Variants in PRAMEF15 observed in about 807,000 individuals in gnomAD.
The protein encoded by PRAMEF15 is PRAME family member 9/15.
Under a neutral mutation model 35.3 loss-of-function variants are expected in PRAMEF15, and 21 were observed. The observed-to-expected ratio is 0.59, with a 90% CI of 0.42 to 0.86. The LOEUF is 0.86. Among genes scored for constraint, PRAMEF15 ranks in the 40% least tolerant of loss-of-function variants. PRAMEF15 has a pLI of 0.00. For missense variants in PRAMEF15, 360 were observed against 574.1 expected, an observed-to-expected ratio of 0.63 and a Z score of 3.81; for synonymous variants, 122 against 223.3, an observed-to-expected ratio of 0.55 and a Z score of 4.05.
intron 1 of PRAMEF15, 105 bp downstream of exon 1, chr1:13,315,763 T>A (rs1352727144): frequency 8.1e-6 from 1 of 124,056 alleles, no homozygotes; most frequent in Admixed American, 8.8e-5. Context: ...ATCCTGTCCT[T>A]TTTTTTTTTT....
Position 13,322,247 on chromosome 1 carries a change from G to C in PRAMEF15, c.1420G>C (p.Asp474His). 1 of 1,580,202 alleles carries C rather than the reference G, an allele frequency of 6.3e-7. No homozygotes were observed. ...GNRSFYDLEA[D>H]QYCC ...CAGGTCATTTTATGACCTGGAGGCAGATCAATACTGCTGTTGAATGCCTGC... is the reference window on the plus strand; with the variant it reads ...CAGGTCATTTTATGACCTGGAGGCACATCAATACTGCTGTTGAATGCCTGC... The change falls in exon 4 of 4, where the codon GAT (aspartate) becomes CAT (histidine). Residue 474 changes from aspartate (D) to histidine (H), a missense_variant. Physicochemically the swap from Asp to His is moderately conservative, Grantham distance 81. Transcript: ENST00000376152.
At chr1:13,316,564 A>G (rs76706982) in intron 1 of PRAMEF15, among the ~76,000 whole-genome samples, 1 of 151,906 alleles carries the variant, frequency 6.6e-6, no homozygotes, top group African/African-American at 2.4e-5. Flanking sequence ...CTGAAGCATG[A>G]GAATTGCTTG....
intron 3 of PRAMEF15, among the ~76,000 whole-genome samples, chr1:13,321,232 C>A (rs1193103382): frequency 1.4e-5 from 2 of 141,260 alleles, no homozygotes; most frequent in Non-Finnish European, 3.0e-5. Context: ...TTTTTTTTTT[C>A]AAAACAGAGT....
intron 1 of PRAMEF15, among the ~76,000 whole-genome samples, chr1:13,316,399 G>T (rs1212362286): frequency 5.3e-5 from 8 of 151,680 alleles, no homozygotes; most frequent in African/African-American, 1.7e-4. Flanking sequence ...CTGTACTCCA[G>T]CCTGGGCAAA....
chr1:13,320,297 G>A lies in PRAMEF15; in HGVS notation c.875+344G>A, dbSNP rs1402889899. ...AAATACACCAGGGGCGGTGGCTCAT[G>A]CCTGTAATCCTATCACTTTGGGAGT... On this transcript the variant is annotated intron_variant, in intron 3 of 3. Coordinates refer to ENST00000376152, the MANE Select transcript of PRAMEF15 (RefSeq NM_001098376.3). Among the ~76,000 whole-genome samples the A allele has an allele frequency of 5.5e-4, 83 of 152,240 alleles. No individual in the cohort carries two copies. The South Asian group carries it at 0.014, about 26-fold the overall frequency.
At chr1:13,318,110 T>C (rs1640030360) in intron 1 of PRAMEF15, among the ~76,000 whole-genome samples, 2 of 151,760 alleles carry the variant, frequency 1.3e-5, no homozygotes, top group Non-Finnish European at 2.9e-5. Context: ...GTAGGAGGGG[T>C]TCACTTTCAG....
chr1:13,320,285 G>A (rs1239774009), intron 3 of PRAMEF15, among the ~76,000 whole-genome samples: 11 of 151,926 alleles, frequency 7.2e-5, no homozygotes, highest in South Asian at 2.1e-4. Flanking sequence ...TACACCAGGG[G>A]CGGTGGCTCA....
intron 3 of PRAMEF15, 139 bp downstream of exon 3, chr1:13,320,092 G>T (rs1640063061): frequency 3.2e-6 from 5 of 1,556,742 alleles, no homozygotes; most frequent in South Asian, 2.4e-5. Context: ...TTGTCCTGTT[G>T]GTGGCCCTGT....
At chr1:13,317,891 A>T (rs1640027550) in intron 1 of PRAMEF15, among the ~76,000 whole-genome samples, 1 of 151,478 alleles carries the variant, frequency 6.6e-6, no homozygotes, top group Admixed American at 6.6e-5. Flanking sequence ...GAAGGGAGGG[A>T]GAGAGGGAAA....
rs1640011916 is a variant in PRAMEF15 at position 13,316,898 on chromosome 1, T to C, written c.-17+1240T>C. Among the ~76,000 whole-genome samples, 4 of 150,734 alleles carry C rather than the reference T, an allele frequency of 2.7e-5. 1 individual carries two copies. The South Asian group carries it at 6.3e-4, about 24-fold the overall frequency. ...CACACTCAGGACTTTGAAGGACACA[T>C]ATTAGTAAAACTCCATGTTTGTGAA... On this transcript the variant is annotated intron_variant, in intron 1 of 3. Transcript: ENST00000376152.
At position 13,319,643 on chromosome 1, in the gene PRAMEF15, AT is replaced by A; in HGVS notation, c.569del (p.Leu190TrpfsTer12). ...LLHLCCKKLK[I>X]LGMPFRNIRS... ...ACACCTGTGCTGTAAGAAGCTGAAA[AT>A]TTTGGGAATGCCCTTCCGCAATATC... On this transcript the variant is annotated frameshift_variant, in exon 3 of 4. Transcript: ENST00000376152. LOFTEE classifies it high-confidence loss of function. The A allele has an allele frequency of 6.2e-7, 1 of 1,609,324 alleles. No homozygotes were observed. Among genetic ancestry groups the A allele is most frequent in the Non-Finnish European group, 8.5e-7 (1 of 1,178,274 alleles).
At chr1:13,320,196 A>C (rs1365854899) in intron 3 of PRAMEF15, among the ~76,000 whole-genome samples, 1,781 of 151,928 alleles carry the variant, frequency 0.012, 29 homozygotes, top group African/African-American at 0.038. Context: ...GAAGCTAGCT[A>C]CTGGGGGGTT....
chr1:13,316,333 G>A (rs1168257027), intron 1 of PRAMEF15, among the ~76,000 whole-genome samples: 1 of 151,740 alleles, frequency 6.6e-6, no homozygotes, highest in East Asian at 1.9e-4. Flanking sequence ...GCTGGTGTGG[G>A]AGAATCACTT....
intron 2 of PRAMEF15, 41 bp from the exon 3 acceptor site, chr1:13,319,331 T>C: frequency 1.9e-6 from 3 of 1,604,930 alleles, no homozygotes; most frequent in Non-Finnish European, 2.5e-6. Flanking sequence ...AGTTCAGAAA[T>C]GAGTTCTTAA....
rs1280389416 is a variant in PRAMEF15 at position 13,322,043 on chromosome 1, A to T, written c.1216A>T (p.Ile406Leu). 44 of 1,609,962 alleles carry T rather than the reference A, an allele frequency of 2.7e-5. 1 individual carries two copies. The African/African-American group carries it at 5.9e-4, about 22-fold the overall frequency. The change falls in exon 4 of 4, where the codon ATA (isoleucine) becomes TTA (leucine). Residue 406 changes from isoleucine (I) to leucine (L), a missense_variant. Ile to Leu is a conservative substitution (Grantham distance 5, BLOSUM62 2). Coordinates refer to ENST00000376152, the MANE Select transcript of PRAMEF15 (RefSeq NM_001098376.3). Reference protein sequence around the residue: ...TLENLLSHTIILKNLCVELYP... With the variant: ...TLENLLSHTILLKNLCVELYP... The stretch of plus-strand genomic sequence containing the variant: ...GGAGAACCTGCTGAGCCACACAATC[A>T]TACTCAAAAACTTATGTGTGGAGCT...
At chr1:13,321,029 C>T (rs1235859698) in intron 3 of PRAMEF15, among the ~76,000 whole-genome samples, 7 of 152,006 alleles carry the variant, frequency 4.6e-5, no homozygotes, top group Non-Finnish European at 8.8e-5. Flanking sequence ...CCCGCCCACC[C>T]CAGCTGATGT....
Position 13,316,010 on chromosome 1 carries a change from T to G in PRAMEF15, c.-17+352T>G, listed in dbSNP as rs1470479776. Among the ~76,000 whole-genome samples the G allele has an allele frequency of 3.5e-4, 53 of 150,724 alleles. 1 individual carries two copies. Among genetic ancestry groups the G allele is most frequent in the South Asian group, 1.9e-3 (9 of 4,804 alleles). On this transcript the variant is annotated intron_variant, in intron 1 of 3. Transcript: ENST00000376152. Reference sequence around the variant, plus strand: ...ACCCTCCTCTGCACAACGTTTTTTTTGGGGGTGGGGATGGAGTCTCACTGT... The same window carrying G: ...ACCCTCCTCTGCACAACGTTTTTTTGGGGGGTGGGGATGGAGTCTCACTGT...
In PRAMEF15 at chr1:13,320,401, T is replaced by G. The variant is rs1157476392; in HGVS notation, c.875+448T>G. Among the ~76,000 whole-genome samples, 431 of 151,998 alleles carry G rather than the reference T, an allele frequency of 2.8e-3. 9 individuals carry two copies. The highest frequency in any genetic ancestry group is 9.8e-3 in the African/African-American group (405 of 41,476). On this transcript the variant is annotated intron_variant, in intron 3 of 3. Transcript: ENST00000376152. ...TACCAAGACCCCTGTCAGAAATGAA[T>G]AAATAAAAGTAAAAACAAACAAGAT...
At chr1:13,316,362 C>A (rs1461885209) in intron 1 of PRAMEF15, among the ~76,000 whole-genome samples, 3 of 151,566 alleles carry the variant, frequency 2.0e-5, no homozygotes, top group Non-Finnish European at 4.4e-5. Context: ...AAGATTGAGG[C>A]TGCAGTGAGC....
Sources: gnomAD v4.1 joint callset for allele counts (sites outside exome capture counted in the v4.1 genomes callset) on GRCh38, gnomAD v4.1.1 for gene constraint, MANE v1.5 for transcripts, NCBI Gene and HGNC (gene_info 2026-07-23, HGNC 2026-07-21) for gene names.